The following CYP2E1 variants were observed in gnomAD, a reference collection of about 807,000 sequenced individuals.
CYP2E1 encodes cytochrome P450 family 2 subfamily E member 1.
Under a neutral mutation model 42.9 loss-of-function variants are expected in CYP2E1, and 31 were observed. The observed-to-expected ratio is 0.72, with a 90% CI of 0.54 to 0.98. CYP2E1 has a LOEUF of 0.98. Ranked by LOEUF, CYP2E1 falls within the 50% of genes least tolerant of loss-of-function variation. CYP2E1 has a pLI of 0.00. For missense variants in CYP2E1, 565 were observed against 633.2 expected (o/e 0.89, Z 1.16); for synonymous variants, 244 against 248.9 (o/e 0.98, Z 0.19).
rs750707054 is a variant in CYP2E1 at position 133,528,440 on chromosome 10, G to C, written c.178-41G>C. On this transcript the variant is annotated intron_variant, in intron 1 of 8. Transcript: ENST00000252945. ...GTGGCTTAGAGCCCCGCACCTCCTC[G>C]CCGCGCGGCGGGCCTGACTTCTAGC... is the stretch of plus-strand genomic sequence containing the variant. The C allele has an allele frequency of 3.5e-5, 56 of 1,606,072 alleles. No homozygotes were observed. In the South Asian group the frequency reaches 6.0e-4, roughly 17 times the overall value.
chr10:133,529,810 G>T (rs933286767), intron 2 of CYP2E1, among the ~76,000 whole-genome samples: 1 of 152,232 alleles, frequency 6.6e-6, no homozygotes, highest in African/African-American at 2.4e-5. Flanking sequence ...CGGGCAACGG[G>T]GTGGTTGTAT....
chr10:133,528,705 T>C (rs969605198), intron 2 of CYP2E1, 65 bp downstream of exon 2: 2 of 1,581,582 alleles, frequency 1.3e-6, no homozygotes, highest in Admixed American at 1.7e-5. Flanking sequence ...TTACGGGCGC[T>C]AGCCACGTCG....
chr10:133,538,188 C>T (rs897456975), intron 8 of CYP2E1, among the ~76,000 whole-genome samples: 1 of 152,024 alleles, frequency 6.6e-6, no homozygotes, highest in Non-Finnish European at 1.5e-5. Flanking sequence ...TTTAACAAGA[C>T]TTAGTGAAAA....
rs772509721 is a variant in CYP2E1 at position 133,531,626 on chromosome 10, C to A, written c.379C>A (p.Arg127=). The A allele has an allele frequency of 6.2e-7, 1 of 1,614,064 alleles. No homozygotes were observed. The highest frequency in any genetic ancestry group is 8.5e-7 in the Non-Finnish European group (1 of 1,179,982). ...TGGACCTACCTGGAAGGACATCCGGCGGTTTTCCCTGACCACCCTCCGGAA... is the reference window on the plus strand; with the variant it reads ...TGGACCTACCTGGAAGGACATCCGGAGGTTTTCCCTGACCACCCTCCGGAA... The part of the protein sequence containing the change: ...NNGPTWKDIR[R]FSLTTLRNYG... Residue 127 remains arginine, a synonymous_variant, in exon 3 of 9, where the codon CGG becomes AGG. Coordinates refer to ENST00000252945, the MANE Select transcript of CYP2E1 (RefSeq NM_000773.4).
chr10:133,536,179 A>G (rs1851392573), intron 6 of CYP2E1, among the ~76,000 whole-genome samples: 1 of 152,190 alleles, frequency 6.6e-6, no homozygotes, highest in South Asian at 2.1e-4. Flanking sequence ...CACTTTCATT[A>G]TTCTCTGCTC....
intron 6 of CYP2E1, among the ~76,000 whole-genome samples, chr10:133,536,461 G>A (rs1044303640): frequency 1.0e-4 from 15 of 147,736 alleles, no homozygotes; most frequent in African/African-American, 3.5e-4. Context: ...GGATGGGTGG[G>A]TGGATGGATG....
Position 133,532,842 on chromosome 10 carries a change from G to T in CYP2E1, c.799G>T (p.Asp267Tyr), listed in dbSNP as rs201869253. Residue 267 changes from aspartate (D) to tyrosine (Y), a missense_variant, in exon 5 of 9, where the codon GAC (aspartate) becomes TAC (tyrosine). By Grantham distance (160) the Asp-to-Tyr change is radical (BLOSUM62 -3). Transcript: ENST00000252945. ...LDPNCPRDLT[D>Y]CLLVEMEKEK... Reference sequence around the variant, plus strand: ...CCCCAACTGTCCCCGGGACCTCACCGACTGCCTGCTCGTGGAAATGGAGAA... The same window carrying T: ...CCCCAACTGTCCCCGGGACCTCACCTACTGCCTGCTCGTGGAAATGGAGAA... 3.1e-6 allele frequency: 5 copies of T among 1,608,068 alleles called. No homozygotes were observed.
At chr10:133,537,333 C>A in intron 7 of CYP2E1, 83 bp downstream of exon 7, 1 of 1,426,438 alleles carries the variant, frequency 7.0e-7, no homozygotes, top group Non-Finnish European at 9.6e-7. Context: ...GGATGGGGGC[C>A]CCAAGACCCT....
At chr10:133,527,669 A>G in intron 1 of CYP2E1, 97 bp downstream of exon 1, 1 of 988,960 alleles carries the variant, frequency 1.0e-6, no homozygotes, top group Admixed American at 2.0e-5. Flanking sequence ...TGGTTGTTCA[A>G]TACCAGCCTG....
At position 133,531,480 on chromosome 10, in the gene CYP2E1, C is replaced by G; in HGVS notation, c.338-105C>G. 3 of 1,351,510 alleles carry G rather than the reference C, an allele frequency of 2.2e-6. No individual in the cohort carries two copies. In the East Asian group the frequency reaches 6.9e-5, roughly 31 times the overall value. 83.7% of individuals were successfully genotyped at this position (1,351,510 alleles called of 1,614,324 possible). ...TGTCCCTCTGCCCCCTCTGTCACTT[C>G]TTTATACACCTGTAAATCCTGCCCT... On this transcript the variant is annotated intron_variant, in intron 2 of 8. Coordinates refer to ENST00000252945, the MANE Select transcript of CYP2E1 (RefSeq NM_000773.4).
intron 6 of CYP2E1, among the ~76,000 whole-genome samples, chr10:133,536,601 A>C (rs1218896095): frequency 8.8e-4 from 1 of 1,138 alleles, no homozygotes; most frequent in African/African-American, 3.9e-3. Flanking sequence ...GGCTGGATGG[A>C]TGGGTGGGTG....
intron 8 of CYP2E1, 67 bp downstream of exon 8, chr10:133,537,959 T>C (rs920749202): frequency 3.3e-6 from 5 of 1,525,518 alleles, no homozygotes; most frequent in East Asian, 4.5e-5. Context: ...CCCCTCCACA[T>C]GTGCTCTGCC....
chr10:133,528,082 C>G, intron 1 of CYP2E1: 1 of 241,816 alleles, frequency 4.1e-6, no homozygotes, highest in Non-Finnish European at 8.0e-6. Context: ...CTGTGGGGCG[C>G]AGGCTGACGG....
chr10:133,536,986 AGATGGGTGGAT>A, intron 6 of CYP2E1, 66 bp from the exon 7 acceptor site: 1 of 1,046,420 alleles, frequency 9.6e-7, no homozygotes, highest in Non-Finnish European at 1.5e-6. Context: ...GTGATTGAAT[AGATGGGTGGAT>A]GATGGGTGGA....
chr10:133,527,854 C>T (rs1048391173), intron 1 of CYP2E1, among the ~76,000 whole-genome samples: 7 of 152,246 alleles, frequency 4.6e-5, no homozygotes, highest in African/African-American at 1.7e-4. Flanking sequence ...CCAGGATAAC[C>T]GGGCTGGCGG....
intron 2 of CYP2E1, among the ~76,000 whole-genome samples, chr10:133,530,157 G>A (rs529972205): frequency 6.6e-6 from 1 of 152,190 alleles, no homozygotes; most frequent in African/African-American, 2.4e-5. Context: ...CGGAAAATTA[G>A]CAGAGCCCTG....
chr10:133,528,823 ACT>A (rs1851304127), intron 2 of CYP2E1, among the ~76,000 whole-genome samples, 183 bp downstream of exon 2: 1 of 152,236 alleles, frequency 6.6e-6, no homozygotes, highest in African/African-American at 2.4e-5. Flanking sequence ...AGCGAGGCGC[ACT>A]GAGTCGCCCA....
At chr10:133,536,136 C>T (rs1287502377) in intron 6 of CYP2E1, among the ~76,000 whole-genome samples, 1 of 152,162 alleles carries the variant, frequency 6.6e-6, no homozygotes, top group East Asian at 1.9e-4. Context: ...ATTATCAATG[C>T]AAAGGTTACC....
At chr10:133,528,666 CG>C (rs747719752) in intron 2 of CYP2E1, 26 bp downstream of exon 2, 2 of 1,611,600 alleles carry the variant, frequency 1.2e-6, no homozygotes, top group South Asian at 1.1e-5. Context: ...TGGCACGGAG[CG>C]GGGGGTGCAT....
Sources: allele counts gnomAD v4.1 joint callset (sites outside exome capture counted in the v4.1 genomes callset), GRCh38; gene constraint gnomAD v4.1.1; transcripts MANE v1.5; gene names NCBI Gene and HGNC (gene_info 2026-07-23, HGNC 2026-07-21).